LAMA3: variants seen among roughly 807,000 people sequenced by gnomAD.
LAMA3 encodes laminin subunit alpha 3, also known as laminin subunit alpha-3.
Under a neutral mutation model 402.0 loss-of-function variants are expected in LAMA3, and 281 were observed. The ratio of observed to expected loss-of-function variants is 0.70; its 90% CI spans 0.63 to 0.77. LAMA3 has a LOEUF of 0.77. LAMA3 is among the 30% of genes least tolerant of loss of function. LAMA3 has a pLI of 0.00. For synonymous variants in LAMA3, 1,431 were observed against 1,558.4 expected, an observed-to-expected ratio of 0.92 and a Z score of 1.93; for missense variants, 3,840 against 4,215.5, an observed-to-expected ratio of 0.91 and a Z score of 2.47.
chr18:23,776,032 G>A, intron 10 of LAMA3, 109 bp downstream of exon 10: 1 of 1,113,606 alleles, frequency 9.0e-7, no homozygotes. Context: ...GACAGAAATG[G>A]GGCCAGGTGG....
At position 23,814,489 on chromosome 18, in the gene LAMA3, C is replaced by T; in HGVS notation, c.1875C>T (p.Pro625=). The T allele has an allele frequency of 6.2e-7, 1 of 1,610,004 alleles. No individual in the cohort carries two copies. Among genetic ancestry groups the T allele is most frequent in the Non-Finnish European group, 8.5e-7 (1 of 1,176,280 alleles). ...LLYWNLDKEN[P]SGCSECKCHK... ...ATTGGAATCTGGACAAAGAAAACCC[C>T]AGTGGATGTTCAGGTAGGTTTCTTA... The change falls in exon 15 of 75, where the codon CCC becomes CCT. Residue 625 remains proline, a synonymous_variant. Transcript: ENST00000313654.
In LAMA3 at chr18:23,939,406, C is replaced by T; in HGVS notation, c.9026+20C>T. On this transcript the variant is annotated intron_variant, in intron 68 of 74. Transcript: ENST00000313654. ...ACCCAGGTATTATTTAGCTTTCCTG[C>T]CCCAGCACCAGCTCAGAACCTGACT... is the stretch of plus-strand genomic sequence containing the variant. 6.2e-7 allele frequency: 1 copy of T among 1,612,838 alleles called. No individual in the cohort carries two copies.
At chr18:23,781,601 CT>C (rs2062439773) in intron 11 of LAMA3, among the ~76,000 whole-genome samples, 1 of 152,138 alleles carries the variant, frequency 6.6e-6, no homozygotes, top group African/African-American at 2.4e-5. Context: ...GACAAAAGAG[CT>C]TGGGCTAGTG....
Position 23,883,627 on chromosome 18 carries a change from C to T in LAMA3, c.5223-1146C>T, listed in dbSNP as rs145941134. Among the ~76,000 whole-genome samples, 17 of 152,296 alleles carry T rather than the reference C, an allele frequency of 1.1e-4. No homozygotes were observed. In the East Asian group the frequency reaches 3.3e-3, roughly 29 times the overall value. On this transcript the variant is annotated intron_variant, in intron 40 of 74. Transcript: ENST00000313654. ...TGGAATGCTCACCCTGCTTTGCTGTCTATGTCTTTGATGCTCGTGAAGCCC... is the reference window on the plus strand; with the variant it reads ...TGGAATGCTCACCCTGCTTTGCTGTTTATGTCTTTGATGCTCGTGAAGCCC...
chr18:23,718,192 C>T (rs1036886982), intron 2 of LAMA3, among the ~76,000 whole-genome samples: 16 of 152,014 alleles, frequency 1.1e-4, no homozygotes, highest in African/African-American at 2.4e-5. Context: ...CCCGTGAGAT[C>T]GGAAGGTGTA....
chr18:23,777,252 T>A (rs1178494535), intron 10 of LAMA3, among the ~76,000 whole-genome samples: 1 of 147,984 alleles, frequency 6.8e-6, no homozygotes. Context: ...GATTTTATGT[T>A]AAAAAAAAAA....
intron 2 of LAMA3, among the ~76,000 whole-genome samples, chr18:23,746,639 A>C (rs2061655728): frequency 6.6e-6 from 1 of 152,038 alleles, no homozygotes; most frequent in African/African-American, 2.4e-5. Context: ...TTATGCTAAC[A>C]TGTAAAATGT....
chr18:23,691,296 T>C (rs2060583168), intron 1 of LAMA3, among the ~76,000 whole-genome samples: 1 of 152,192 alleles, frequency 6.6e-6, no homozygotes, highest in Non-Finnish European at 1.5e-5. Flanking sequence ...GTGTTGTGCA[T>C]ATTTTAAAAC....
chr18:23,927,232 C>T (rs1261958775), intron 62 of LAMA3, among the ~76,000 whole-genome samples: 2 of 152,138 alleles, frequency 1.3e-5, no homozygotes, highest in Non-Finnish European at 2.9e-5. Context: ...TACAGTGGCA[C>T]GATCTCAGCT....
At chr18:23,752,864 A>G (rs1218171767) in intron 5 of LAMA3, among the ~76,000 whole-genome samples, 1 of 152,230 alleles carries the variant, frequency 6.6e-6, no homozygotes, top group Non-Finnish European at 1.5e-5. Context: ...TTGCGAATTC[A>G]AAGACTTCTT....
At chr18:23,923,166 T>C (rs2081898676) in intron 62 of LAMA3, among the ~76,000 whole-genome samples, 1 of 152,304 alleles carries the variant, frequency 6.6e-6, no homozygotes, top group African/African-American at 2.4e-5. Flanking sequence ...GGGGCTGATG[T>C]GGGCAGCAGG....
In LAMA3 at chr18:23,935,613, C is replaced by A. The variant is rs796790888; in HGVS notation, c.8862+1678C>A. ...CATTTATTAGGTATGTGATCTTGGG[C>A]AATTATTAAACCTCTCTCTGGGTCT... On this transcript the variant is annotated intron_variant, in intron 67 of 74. Transcript: ENST00000313654. 2.0e-4 allele frequency among the ~76,000 whole-genome samples: 31 copies of A among 152,138 alleles called. 1 individual carries two copies. The highest frequency in any genetic ancestry group is 7.5e-4 in the African/African-American group (31 of 41,492).
chr18:23,801,395 G>A (rs2062863517), intron 12 of LAMA3, among the ~76,000 whole-genome samples: 1 of 152,034 alleles, frequency 6.6e-6, no homozygotes, highest in Non-Finnish European at 1.5e-5. Flanking sequence ...CCAAACCTCA[G>A]CAACACTCAG....
At chr18:23,880,667 A>G (rs779716877) in intron 39 of LAMA3, among the ~76,000 whole-genome samples, 2 of 152,230 alleles carry the variant, frequency 1.3e-5, no homozygotes, top group Non-Finnish European at 2.9e-5. Flanking sequence ...TCATGAAGTC[A>G]GGAATTTGAG....
rs373525680 is a variant in LAMA3, at chr18:23,749,529, C to T, written c.667C>T (p.Pro223Ser). ...TGTTACTGAATATTCCCGTATTGTACCTTTGGAAAATGGTGAGGTAAGTAG... is the reference window on the plus strand; with the variant it reads ...TGTTACTGAATATTCCCGTATTGTATCTTTGGAAAATGGTGAGGTAAGTAG... The part of the protein sequence containing the change: ...LCVTEYSRIV[P>S]LENGEVVVSL... The change falls in exon 4 of 75, where the codon CCT (proline) becomes TCT (serine). Residue 223 changes from proline (P) to serine (S), a missense_variant. Transcript: ENST00000313654. 1.9e-6 allele frequency: 3 copies of T among 1,600,270 alleles called. No homozygotes were observed. The African/African-American group carries it at 4.0e-5, about 21-fold the overall frequency.
chr18:23,819,871 GC>G lies in LAMA3; in HGVS notation c.2179del (p.His727IlefsTer3). 1 of 1,614,026 alleles carries G rather than the reference GC, an allele frequency of 6.2e-7. No individual in the cohort carries two copies. The highest frequency in any genetic ancestry group is 1.1e-5 in the South Asian group (1 of 91,064). On this transcript the variant is annotated frameshift_variant, in exon 19 of 75. Transcript: ENST00000313654. LOFTEE classifies it high-confidence loss of function. ...AAAACAACTACTATTTCCCAGATTT[GC>G]ATCATATGAAGTATGAGATTGAAGA... ...PENNYYFPDL[H>X]HMKYEIEDGS... is the part of the protein sequence containing the mutation.
chr18:23,725,908 C>T (rs747905215), intron 2 of LAMA3, among the ~76,000 whole-genome samples: 7 of 152,196 alleles, frequency 4.6e-5, no homozygotes, highest in African/African-American at 9.6e-5. Flanking sequence ...CCAGATTCAG[C>T]GCACCATGCA....
At chr18:23,709,640 T>TA (rs1322556718) in intron 1 of LAMA3, among the ~76,000 whole-genome samples, 2 of 152,082 alleles carry the variant, frequency 1.3e-5, no homozygotes, top group African/African-American at 4.8e-5. Context: ...TGTTGGAAGA[T>TA]ATGGCTACAG....
At chr18:23,763,276 C>T in intron 7 of LAMA3, 129 bp from the exon 8 acceptor site, 1 of 697,990 alleles carries the variant, frequency 1.4e-6, no homozygotes, top group Non-Finnish European at 2.6e-6. Flanking sequence ...AAAATTTTCC[C>T]CTAAGAGTGT....
Sources: gnomAD v4.1 joint callset for allele counts (sites outside exome capture counted in the v4.1 genomes callset) on GRCh38, gnomAD v4.1.1 for gene constraint, MANE v1.5 for transcripts, NCBI Gene and HGNC (gene_info 2026-07-23, HGNC 2026-07-21) for gene names.